The following RCBTB1 variants were observed in gnomAD, a reference collection of about 807,000 sequenced individuals.
RCBTB1 encodes RCC1 and BTB domain-containing protein 1.
A neutral mutation model predicts 62.4 loss-of-function variants in RCBTB1; 46 were observed. The ratio of observed to expected loss-of-function variants is 0.74; its 90% CI spans 0.58 to 0.94. RCBTB1 has a LOEUF of 0.94. Among genes scored for constraint, RCBTB1 ranks in the 40% least tolerant of loss-of-function variants. RCBTB1 has a pLI of 0.00. For missense variants in RCBTB1, 565 were observed against 654.9 expected, an observed-to-expected ratio of 0.86 and a Z score of 1.50; for synonymous variants, 222 against 245.8, an observed-to-expected ratio of 0.90 and a Z score of 0.91.
chr13:49,583,960 C>T (rs1286485632), intron 1 of RCBTB1, among the ~76,000 whole-genome samples: 1 of 152,174 alleles, frequency 6.6e-6, no homozygotes, highest in Non-Finnish European at 1.5e-5. Flanking sequence ...CTATGCATGA[C>T]TTACTGTTTA....
intron 4 of RCBTB1, among the ~76,000 whole-genome samples, chr13:49,563,130 T>G (rs1397589819): frequency 6.6e-6 from 1 of 151,772 alleles, no homozygotes; most frequent in African/African-American, 2.4e-5. Context: ...CCAGGCATAG[T>G]GGCTCACACC....
At position 49,547,172 on chromosome 13, in the gene RCBTB1, C is replaced by G. The variant is rs1359796514; in HGVS notation, c.1045+2286G>C. Reference sequence around the variant, plus strand: ...AATTATTTTCCAATCACAATACTCACTGCAAAAAAAAAAAAATACTGTATT... The same window carrying G: ...AATTATTTTCCAATCACAATACTCAGTGCAAAAAAAAAAAAATACTGTATT... On this transcript the variant is annotated intron_variant, in intron 9 of 12. Transcript: ENST00000378302. 3.7e-6 allele frequency: 4 copies of G among 1,086,930 alleles called. No individual in the cohort carries two copies. In the African/African-American group the frequency reaches 1.1e-4, roughly 30 times the overall value. 67.3% of individuals were successfully genotyped at this position (1,086,930 alleles called of 1,614,324 possible). A position where few individuals can be genotyped will look rare whatever the true frequency, so the allele number is the denominator to read the frequency against.
chr13:49,561,793 A>C (rs1013989480), intron 4 of RCBTB1, among the ~76,000 whole-genome samples: 1 of 152,108 alleles, frequency 6.6e-6, no homozygotes, highest in Non-Finnish European at 1.5e-5. Context: ...TCTACCAGTT[A>C]CTAAAACCTA....
intron 12 of RCBTB1, among the ~76,000 whole-genome samples, chr13:49,537,252 G>A (rs910485977): frequency 6.6e-6 from 1 of 152,188 alleles, no homozygotes; most frequent in Non-Finnish European, 1.5e-5. Flanking sequence ...AAAACTGTCA[G>A]TCTATAATTC....
intron 2 of RCBTB1, among the ~76,000 whole-genome samples, chr13:49,568,144 A>T (rs1963151572): frequency 6.6e-6 from 1 of 152,208 alleles, no homozygotes; most frequent in Non-Finnish European, 1.5e-5. Flanking sequence ...GTATCTTTAA[A>T]AACAGAAGCA....
intron 9 of RCBTB1, 77 bp from the exon 10 acceptor site, chr13:49,544,940 T>C: frequency 8.0e-7 from 1 of 1,251,122 alleles, no homozygotes; most frequent in Non-Finnish European, 1.1e-6. Flanking sequence ...AAAAAGATCA[T>C]CATGACCGTG....
In RCBTB1 at chr13:49,567,888, G is replaced by A. The variant is rs983557992; in HGVS notation, c.-41-568C>T. On this transcript the variant is annotated intron_variant, in intron 2 of 12. Coordinates refer to ENST00000378302, the MANE Select transcript of RCBTB1 (RefSeq NM_018191.4). ...TACTGGAATAACATTTGGATGTCTT[G>A]ACAAATGTGTGTGCAGGTGGAGGGG... is the stretch of plus-strand genomic sequence containing the variant. Among the ~76,000 whole-genome samples the A allele has an allele frequency of 2.0e-5, 3 of 152,222 alleles. No homozygotes were observed. In the East Asian group the frequency reaches 5.8e-4, roughly 29 times the overall value.
chr13:49,577,955 T>C (rs905977445), intron 2 of RCBTB1, among the ~76,000 whole-genome samples: 1 of 152,226 alleles, frequency 6.6e-6, no homozygotes, highest in Non-Finnish European at 1.5e-5. Flanking sequence ...GAATGGGTGA[T>C]GATTTTATTT....
chr13:49,567,297 A>G lies in RCBTB1; in HGVS notation c.-18T>C. Reference sequence around the variant, plus strand: ...TCCACCATGACTCTGGCTTCAAGCAATTCCTATAAATAAGCCGACATCTCT... The same window carrying G: ...TCCACCATGACTCTGGCTTCAAGCAGTTCCTATAAATAAGCCGACATCTCT... On this transcript the variant is annotated 5_prime_UTR_variant, in exon 3 of 13. Transcript: ENST00000378302. 2 of 1,612,492 alleles carry G rather than the reference A, an allele frequency of 1.2e-6. No individual in the cohort carries two copies.
chr13:49,535,809 G>A (rs1196498465), intron 12 of RCBTB1, among the ~76,000 whole-genome samples: 1 of 152,054 alleles, frequency 6.6e-6, no homozygotes, highest in Non-Finnish European at 1.5e-5. Flanking sequence ...CAGATCACGA[G>A]GTCAGGAGTT....
chr13:49,536,454 A>C (rs980461583), intron 12 of RCBTB1, among the ~76,000 whole-genome samples: 1 of 152,248 alleles, frequency 6.6e-6, no homozygotes, highest in Non-Finnish European at 1.5e-5. Context: ...CTTTAGTATT[A>C]TAAGAATCTA....
At position 49,532,539 on chromosome 13, in the gene RCBTB1, G is replaced by A. The variant is rs878974985; in HGVS notation, c.*1583C>T. On this transcript the variant is annotated 3_prime_UTR_variant, in exon 13 of 13. Coordinates refer to ENST00000378302, the MANE Select transcript of RCBTB1 (RefSeq NM_018191.4). Reference sequence around the variant, plus strand: ...GAAAAGTTCTATCATGTTGTAGAACGAATTCTAACCGACTAATTCACTGGG... The same window carrying A: ...GAAAAGTTCTATCATGTTGTAGAACAAATTCTAACCGACTAATTCACTGGG... 2.6e-5 allele frequency: 4 copies of A among 152,470 alleles called. No homozygotes were observed. The highest frequency in any genetic ancestry group is 2.1e-4 in the South Asian group (1 of 4,816). The allele number at this position is 152,470 out of a possible 1,614,324, so 9.4% of individuals were successfully genotyped here.
intron 12 of RCBTB1, among the ~76,000 whole-genome samples, chr13:49,537,040 G>A (rs1038525770): frequency 6.6e-6 from 1 of 151,972 alleles, no homozygotes; most frequent in African/African-American, 2.4e-5. Context: ...TGCTAATGCC[G>A]CCTCTAAGGG....
At position 49,532,651 on chromosome 13, in the gene RCBTB1, TA is replaced by T. The variant is rs1959647165; in HGVS notation, c.*1470del. 6.6e-6 allele frequency: 1 copy of T among 152,154 alleles called. No homozygotes were observed. Among genetic ancestry groups the T allele is most frequent in the Admixed American group, 6.6e-5 (1 of 15,264 alleles). The allele number at this position is 152,154 out of a possible 1,614,324, so 9.4% of individuals were successfully genotyped here. ...TCAGCTATCAGTGAATTCCTATCTT[TA>T]GGGCCTCACTCCCCTTCCCACCCCA... On this transcript the variant is annotated 3_prime_UTR_variant, in exon 13 of 13. Coordinates refer to ENST00000378302, the MANE Select transcript of RCBTB1 (RefSeq NM_018191.4).
rs1024188800 is a variant in RCBTB1 at position 49,534,319 on chromosome 13, A to G, written c.1456-57T>C. ...GGCTTTTTTAGGCAACTTTGATTGA[A>G]TTACTTCTCTCTGAGCCCTTTACCC... On this transcript the variant is annotated intron_variant, in intron 12 of 12. Coordinates refer to ENST00000378302, the MANE Select transcript of RCBTB1 (RefSeq NM_018191.4). 8.3e-6 allele frequency: 13 copies of G among 1,560,298 alleles called. No individual in the cohort carries two copies. In the African/African-American group the frequency reaches 1.1e-4, roughly 13 times the overall value.
At chr13:49,544,947 C>A in intron 9 of RCBTB1, 84 bp from the exon 10 acceptor site, 6 of 1,049,690 alleles carry the variant, frequency 5.7e-6, no homozygotes, top group East Asian at 2.8e-5. Flanking sequence ...TCATCATGAC[C>A]GTGATGGATA....
At chr13:49,542,447 T>A (rs1960460973) in intron 10 of RCBTB1, among the ~76,000 whole-genome samples, 1 of 152,154 alleles carries the variant, frequency 6.6e-6, no homozygotes, top group South Asian at 2.1e-4. Flanking sequence ...TCCCCAAGAT[T>A]TTTTTGCTCC....
At chr13:49,557,593 T>G (rs1344996218) in intron 5 of RCBTB1, among the ~76,000 whole-genome samples, 4 of 152,086 alleles carry the variant, frequency 2.6e-5, no homozygotes, top group Admixed American at 2.0e-4. Context: ...AGCTATAGTC[T>G]TAGCAAAGAG....
chr13:49,568,553 C>T (rs1318741345), intron 2 of RCBTB1, among the ~76,000 whole-genome samples: 7 of 152,108 alleles, frequency 4.6e-5, no homozygotes, highest in Non-Finnish European at 8.8e-5. Context: ...CACACCCTTC[C>T]CACACAGCGT....
Sources: allele counts gnomAD v4.1 joint callset (sites outside exome capture counted in the v4.1 genomes callset), GRCh38; gene constraint gnomAD v4.1.1; transcripts MANE v1.5; gene names NCBI Gene and HGNC (gene_info 2026-07-23, HGNC 2026-07-21).